Variants in MKLN1 observed in about 807,000 individuals in gnomAD.
MKLN1 encodes muskelin.
Under a neutral mutation model 99.0 loss-of-function variants are expected in MKLN1, and 18 were observed. The ratio of observed to expected loss-of-function variants is 0.18; its 90% confidence interval spans 0.13 to 0.27. MKLN1 has a LOEUF of 0.27. MKLN1 is among the 10% of genes least tolerant of loss of function. MKLN1 has a pLI of 1.00. For synonymous variants in MKLN1, 288 were observed against 293.2 expected (o/e 0.98, Z 0.18); for missense variants, 621 against 875.9 (o/e 0.71, Z 3.67).
chr7:131,408,776 A>AAG (rs1210382272), intron 6 of MKLN1, among the ~76,000 whole-genome samples: 1 of 152,046 alleles, frequency 6.6e-6, no homozygotes, highest in African/African-American at 2.4e-5. Context: ...GTGCTTTTTT[A>AAG]AGAGAGTATC....
chr7:131,471,354 T>C (rs934328416), intron 16 of MKLN1, among the ~76,000 whole-genome samples: 4 of 152,070 alleles, frequency 2.6e-5, no homozygotes, highest in Non-Finnish European at 5.9e-5. Context: ...AGGGAGAAAA[T>C]GAAGAGAGGT....
At chr7:131,259,474 T>A (rs4311610) in intron 3 of MKLN1, among the ~76,000 whole-genome samples, 26,959 of 152,136 alleles carry the variant, frequency 0.18, 2,620 homozygotes, top group Middle Eastern at 0.24. Context: ...TGTATACATA[T>A]CTATCTATCT....
At chr7:131,303,641 G>A (rs1798410546) in intron 3 of MKLN1, among the ~76,000 whole-genome samples, 1 of 152,240 alleles carries the variant, frequency 6.6e-6, no homozygotes, top group African/African-American at 2.4e-5. Context: ...ATCCTGGGGT[G>A]ATGTTAGGAA....
At chr7:131,446,454 C>T (rs1452051500) in intron 12 of MKLN1, among the ~76,000 whole-genome samples, 1 of 152,216 alleles carries the variant, frequency 6.6e-6, no homozygotes, top group African/African-American at 2.4e-5. Context: ...AGTTACCCTA[C>T]ATAGTAGTTG....
chr7:131,202,795 T>G (rs867213742), intron 2 of MKLN1: 1 of 152,172 alleles, frequency 6.6e-6, no homozygotes, highest in Non-Finnish European at 1.5e-5. Flanking sequence ...TTAAAGATCT[T>G]GAAGGCAGAG....
chr7:131,260,452 C>T (rs1207036681), intron 3 of MKLN1, among the ~76,000 whole-genome samples: 1 of 152,124 alleles, frequency 6.6e-6, no homozygotes, highest in Admixed American at 6.6e-5. Flanking sequence ...AATTATAAAA[C>T]ACTGATCAAA....
Position 131,274,888 on chromosome 7 carries a change from C to A in MKLN1, c.-179+71914C>A, listed in dbSNP as rs567901205. On this transcript the variant is annotated intron_variant, in intron 3 of 7. Transcript: ENST00000416992. Reference sequence around the variant, plus strand: ...TAAATAAACTAACATTTGTAAAGCTCCTTTCTTAGTGCTGAGACACACAGT... The same window carrying A: ...TAAATAAACTAACATTTGTAAAGCTACTTTCTTAGTGCTGAGACACACAGT... Among the ~76,000 whole-genome samples the A allele has an allele frequency of 5.9e-5, 9 of 152,266 alleles. 1 individual carries two copies. In the South Asian group the frequency reaches 1.9e-3, roughly 32 times the overall value.
At chr7:131,300,664 G>A (rs1430490077) in intron 3 of MKLN1, among the ~76,000 whole-genome samples, 1 of 143,642 alleles carries the variant, frequency 7.0e-6, no homozygotes, top group African/African-American at 2.5e-5. Flanking sequence ...TCCAGTGTGA[G>A]GTGACACAGT....
intron 3 of MKLN1, among the ~76,000 whole-genome samples, chr7:131,247,507 C>T (rs904991312): frequency 1.3e-5 from 2 of 152,036 alleles, no homozygotes; most frequent in African/African-American, 4.8e-5. Context: ...AGCCACCATG[C>T]CTGGCTTACT....
intron 15 of MKLN1, among the ~76,000 whole-genome samples, 168 bp from the exon 16 acceptor site, chr7:131,470,674 C>T (rs1796793520): frequency 6.6e-6 from 1 of 152,224 alleles, no homozygotes; most frequent in African/African-American, 2.4e-5. Context: ...CACAACTACA[C>T]TATCTACCTG....
chr7:131,271,836 G>C (rs1469400028), intron 3 of MKLN1, among the ~76,000 whole-genome samples: 1 of 151,806 alleles, frequency 6.6e-6, no homozygotes, highest in Non-Finnish European at 1.5e-5. Flanking sequence ...TTGAACCCAG[G>C]AGGCAGAGGT....
chr7:131,433,773 T>C (rs1795595814), intron 9 of MKLN1, among the ~76,000 whole-genome samples: 2 of 152,188 alleles, frequency 1.3e-5, no homozygotes, highest in African/African-American at 4.8e-5. Flanking sequence ...TCAGGTAATA[T>C]ATAAATTTTA....
intron 3 of MKLN1, among the ~76,000 whole-genome samples, chr7:131,211,602 G>GTT (rs34469545): frequency 4.8e-5 from 7 of 146,446 alleles, no homozygotes; most frequent in Admixed American, 6.8e-5. Flanking sequence ...CAACCCTTGT[G>GTT]TTTTTTTTTT....
chr7:131,355,039 C>A (rs983788769), intron 1 of MKLN1, among the ~76,000 whole-genome samples: 1 of 152,152 alleles, frequency 6.6e-6, no homozygotes, highest in East Asian at 1.9e-4. Flanking sequence ...CGTGGCCTCC[C>A]AAAGTGCTGG....
At chr7:131,404,509 G>T (rs1794643719) in intron 6 of MKLN1, among the ~76,000 whole-genome samples, 1 of 152,016 alleles carries the variant, frequency 6.6e-6, no homozygotes, top group Non-Finnish European at 1.5e-5. Flanking sequence ...ATGGGGTCTC[G>T]CCATGTTACC....
intron 2 of MKLN1, 121 bp from the exon 3 acceptor site, chr7:131,386,999 C>A: frequency 1.2e-6 from 1 of 846,242 alleles, no homozygotes; most frequent in Non-Finnish European, 1.7e-6. Flanking sequence ...AAAAAATCTG[C>A]TAGTACAGGA....
chr7:131,144,850 G>A (rs1412962354), intron 2 of MKLN1, among the ~76,000 whole-genome samples: 1 of 152,032 alleles, frequency 6.6e-6, no homozygotes, highest in African/African-American at 2.4e-5. Context: ...GGTGGCACAC[G>A]CCTGTAATCC....
rs188156146 is a variant in MKLN1 at position 131,297,310 on chromosome 7, G to A, written c.-178-78114G>A. On this transcript the variant is annotated intron_variant, in intron 3 of 7. Transcript: ENST00000416992. Reference sequence around the variant, plus strand: ...CGGGAGGTGGAAGTTGCAGTGAGCCGAGATAGCGCCACTGCACTCCAGTCT... The same window carrying A: ...CGGGAGGTGGAAGTTGCAGTGAGCCAAGATAGCGCCACTGCACTCCAGTCT... Among the ~76,000 whole-genome samples, 291 of 152,164 alleles carry A rather than the reference G, an allele frequency of 1.9e-3. 3 individuals are homozygous for A. Among genetic ancestry groups the A allele is most frequent in the African/African-American group, 6.5e-3 (272 of 41,548 alleles).
chr7:131,428,291 T>C (rs1467087753), intron 8 of MKLN1, among the ~76,000 whole-genome samples: 1 of 152,206 alleles, frequency 6.6e-6, no homozygotes, highest in Non-Finnish European at 1.5e-5. Context: ...GTGAATATAA[T>C]AGACATTTCA....
Sources: allele counts gnomAD v4.1 joint callset (sites outside exome capture counted in the v4.1 genomes callset), GRCh38; gene constraint gnomAD v4.1.1; transcripts MANE v1.5; gene names NCBI Gene and HGNC (gene_info 2026-07-23, HGNC 2026-07-21).